The following CR1 variants were observed in gnomAD, a reference collection of about 807,000 sequenced individuals.
CR1 encodes the protein complement receptor type 1.
CR1 carries 116 observed loss-of-function variants against 187.3 expected under a neutral mutation model. The ratio of observed to expected loss-of-function variants is 0.62; its 90% CI spans 0.53 to 0.72. The LOEUF is 0.72. CR1 is among the 30% of genes least tolerant of loss of function. The pLI is 0.00. For synonymous variants in CR1, 576 were observed against 747.1 expected, an observed-to-expected ratio of 0.77 and a Z score of 3.73; for missense variants, 1,731 against 2,110.7, an observed-to-expected ratio of 0.82 and a Z score of 3.52.
intron 45 of CR1, among the ~76,000 whole-genome samples, chr1:207,629,679 C>G: frequency 6.6e-6 from 1 of 152,200 alleles, no homozygotes; most frequent in East Asian, 1.9e-4. Context: ...TCTAAAATCC[C>G]TAATACCAAC....
At chr1:207,517,243 A>G (rs965079334) in intron 4 of CR1, among the ~76,000 whole-genome samples, 4 of 152,022 alleles carry the variant, frequency 2.6e-5, no homozygotes, top group African/African-American at 7.2e-5. Flanking sequence ...GTTGCTTGTG[A>G]TGTGTTATAG....
At position 207,580,309 on chromosome 1, in the gene CR1, G is replaced by A. The variant is rs775760258; in HGVS notation, c.5006G>A (p.Gly1669Glu). The A allele has an allele frequency of 1.2e-6, 2 of 1,613,638 alleles. No homozygotes were observed. Among genetic ancestry groups the A allele is most frequent in the African/African-American group, 1.3e-5 (1 of 74,858 alleles). ...AGCCATCAGGACAACTTTTCACCTG[G>A]GCAGGAAGTGTTCTACAGCTGTGAG... The part of the protein sequence containing the change: ...TPSHQDNFSP[G>E]QEVFYSCEPG... The change falls in exon 30 of 47, where the codon GGG becomes GAG. Residue 1669 changes from glycine (G) to glutamate (E), a missense_variant. Coordinates refer to ENST00000367049, the MANE Select transcript of CR1 (RefSeq NM_000651.6).
intron 28 of CR1, 38 bp downstream of exon 28, chr1:207,575,718 G>A: frequency 1.9e-6 from 3 of 1,611,384 alleles, no homozygotes; most frequent in South Asian, 1.1e-5. Flanking sequence ...CCCCACCATT[G>A]AATCCTAGAG....
rs548437259 is a variant in CR1 at position 207,599,564 on chromosome 1, C to T, written c.5811-7687C>T. On this transcript the variant is annotated intron_variant, in intron 35 of 46. Transcript: ENST00000367049. ...TGTTTATATAAGCAAAAAGAGCAAA[C>T]AACCTTGACATCCTTCTATTAGCAG... is the stretch of plus-strand genomic sequence containing the variant. Among the ~76,000 whole-genome samples the T allele has an allele frequency of 4.6e-5, 7 of 152,274 alleles. No individual in the cohort carries two copies. The South Asian group carries it at 1.4e-3, about 32-fold the overall frequency.
intron 24 of CR1, among the ~76,000 whole-genome samples, chr1:207,566,732 G>C (rs1660510537): frequency 6.7e-6 from 1 of 150,080 alleles, no homozygotes; most frequent in African/African-American, 2.5e-5. Context: ...TCAATAATCA[G>C]TAGACTACTG....
intron 35 of CR1, among the ~76,000 whole-genome samples, chr1:207,593,088 A>AAAAAAAAAC (rs2102361396): frequency 6.6e-6 from 1 of 151,312 alleles, no homozygotes; most frequent in African/African-American, 2.4e-5. Flanking sequence ...GAATTACAAA[A>AAAAAAAAAC]AAAAAAAAAA....
At chr1:207,578,251 CTGT>C (rs752006917) in intron 29 of CR1, 48 bp downstream of exon 29, 15 of 1,611,360 alleles carry the variant, frequency 9.3e-6, no homozygotes, top group Non-Finnish European at 1.3e-5. Flanking sequence ...ACATGTGTTG[CTGT>C]TGGATCAGGA....
At chr1:207,521,624 CTTTTTTTTTTTTTTTTT>C (rs139203101) in intron 4 of CR1, among the ~76,000 whole-genome samples, 7 of 88,306 alleles carry the variant, frequency 7.9e-5, no homozygotes, top group African/African-American at 3.2e-4. Context: ...TGCCCTCTTC[CTTTTTTTTTTTTTTTTT>C]TTTTTTTTTG....
rs1438490446 is a variant in CR1, at chr1:207,622,989, C to T, written c.7277-4C>T. ...GCATTTAATTACCTTGTTTTACTGC[C>T]TAGGCACTTTATCTGGTACGATCTT... On this transcript the variant is annotated splice_region_variant and splice_polypyrimidine_tract_variant and intron_variant, in intron 44 of 46. Transcript: ENST00000367049. 2.6e-6 allele frequency: 4 copies of T among 1,564,538 alleles called. No individual in the cohort carries two copies. Among genetic ancestry groups the T allele is most frequent in the Non-Finnish European group, 3.5e-6 (4 of 1,150,380 alleles).
chr1:207,629,851 C>T (rs1203481924), intron 45 of CR1, among the ~76,000 whole-genome samples: 1 of 152,098 alleles, frequency 6.6e-6, no homozygotes, highest in Non-Finnish European at 1.5e-5. Flanking sequence ...TCTATGAGAC[C>T]CTGAGCAAGA....
intron 35 of CR1, among the ~76,000 whole-genome samples, chr1:207,602,457 T>C (rs1661632671): frequency 6.6e-6 from 1 of 152,046 alleles, no homozygotes; most frequent in Non-Finnish European, 1.5e-5. Flanking sequence ...CCAGAAATGG[T>C]TCCAAATTAG....
chr1:207,632,857 A>G (rs945712696), intron 46 of CR1, among the ~76,000 whole-genome samples: 1 of 150,638 alleles, frequency 6.6e-6, no homozygotes, highest in Non-Finnish European at 1.5e-5. Context: ...TTGTGCTTTC[A>G]GGGATGCTTT....
intron 3 of CR1, among the ~76,000 whole-genome samples, chr1:207,510,225 A>T (rs1230763430): frequency 1.3e-5 from 2 of 152,086 alleles, no homozygotes; most frequent in Non-Finnish European, 2.9e-5. Flanking sequence ...AAGAACAACA[A>T]CAACAGCAAC....
At chr1:207,525,438 C>T (rs1272033424) in intron 5 of CR1, among the ~76,000 whole-genome samples, 2 of 152,052 alleles carry the variant, frequency 1.3e-5, no homozygotes, top group Non-Finnish European at 2.9e-5. Flanking sequence ...CTGTAAGCTG[C>T]TAGTGCTGCA....
chr1:207,523,740 A>G lies in CR1; in HGVS notation c.617A>G (p.Glu206Gly). 1 of 1,612,366 alleles carries G rather than the reference A, an allele frequency of 6.2e-7. No individual in the cohort carries two copies. The highest frequency in any genetic ancestry group is 2.2e-5 in the East Asian group (1 of 44,892). ...GGAAGCGGAGGGAGAAAGGTGTTTG[A>G]GCTTGTGGGTGAGCCCTCCATATAC... The part of the protein sequence containing the change: ...NPGSGGRKVF[E>G]LVGEPSIYCT... Residue 206 changes from glutamate (E) to glycine (G), a missense_variant, in exon 5 of 47, where the codon GAG becomes GGG. Glu to Gly is a moderately conservative substitution (Grantham distance 98). Around this residue, in one of 5 missense-constraint regions of CR1, gnomAD observed 131 missense variants for 196.8 expected, o/e 0.67. Transcript: ENST00000367049.
At position 207,565,932 on chromosome 1, in the gene CR1, T is replaced by C. The variant is rs1660480948; in HGVS notation, c.3952+9T>C. Reference sequence around the variant, plus strand: ...TGTTCCAGTGTGTGAACGTGAGTAATAGGAGCAACATTTCAGGCCAATCTC... The same window carrying C: ...TGTTCCAGTGTGTGAACGTGAGTAACAGGAGCAACATTTCAGGCCAATCTC... On this transcript the variant is annotated intron_variant, in intron 24 of 46. Coordinates refer to ENST00000367049, the MANE Select transcript of CR1 (RefSeq NM_000651.6). 2.5e-6 allele frequency: 4 copies of C among 1,611,104 alleles called. No individual in the cohort carries two copies. Among genetic ancestry groups the C allele is most frequent in the Non-Finnish European group, 3.4e-6 (4 of 1,179,702 alleles).
chr1:207,565,933 A>G lies in CR1; in HGVS notation c.3952+10A>G, dbSNP rs752662611. On this transcript the variant is annotated intron_variant, in intron 24 of 46. Transcript: ENST00000367049. The stretch of plus-strand genomic sequence containing the variant: ...GTTCCAGTGTGTGAACGTGAGTAAT[A>G]GGAGCAACATTTCAGGCCAATCTCT... The G allele has an allele frequency of 4.2e-5, 67 of 1,611,130 alleles. No homozygotes were observed. Among genetic ancestry groups the G allele is most frequent in the Middle Eastern group, 3.3e-4 (2 of 6,054 alleles).
chr1:207,524,547 A>C (rs1183919226), intron 5 of CR1, among the ~76,000 whole-genome samples: 13 of 151,854 alleles, frequency 8.6e-5, no homozygotes, highest in East Asian at 1.9e-4. Flanking sequence ...CCATGCCTGG[A>C]TAAGTTTTTT....
chr1:207,629,201 C>A (rs1662573668), intron 45 of CR1, among the ~76,000 whole-genome samples: 1 of 152,120 alleles, frequency 6.6e-6, no homozygotes, highest in Non-Finnish European at 1.5e-5. Flanking sequence ...CACAAAACAG[C>A]CTTGTACACA....
Sources: allele counts gnomAD v4.1 joint callset (sites outside exome capture counted in the v4.1 genomes callset), GRCh38; gene constraint gnomAD v4.1.1; regional missense constraint gnomAD v4.1.1; transcripts MANE v1.5; gene names NCBI Gene and HGNC (gene_info 2026-07-23, HGNC 2026-07-21).